ST8SIA2: variants seen among roughly 807,000 people sequenced by gnomAD.
ST8SIA2 encodes ST8 alpha-N-acetyl-neuraminide alpha-2,8-sialyltransferase 2.
Under a neutral mutation model 37.6 loss-of-function variants are expected in ST8SIA2, and 22 were observed. That is an observed-to-expected ratio of 0.58 (90% CI 0.42 to 0.83). ST8SIA2 has a LOEUF of 0.83. ST8SIA2 is among the 40% of genes least tolerant of loss of function. The pLI, the probability that ST8SIA2 is intolerant of heterozygous loss-of-function variation, is 0.00. For synonymous variants in ST8SIA2, 205 were observed against 201.2 expected, an observed-to-expected ratio of 1.02 and a Z score of -0.16; for missense variants, 382 against 484.7, an observed-to-expected ratio of 0.79 and a Z score of 1.99.
chr15:92,437,447 C>T (rs1017273129), intron 3 of ST8SIA2, among the ~76,000 whole-genome samples: 2 of 152,096 alleles, frequency 1.3e-5, no homozygotes, highest in African/African-American at 2.4e-5. Context: ...CTAGATGATT[C>T]GATTCGAGAA....
chr15:92,396,608 T>C (rs1260843757), intron 1 of ST8SIA2, among the ~76,000 whole-genome samples: 1 of 151,968 alleles, frequency 6.6e-6, no homozygotes, highest in Non-Finnish European at 1.5e-5. Context: ...ATTCTCCTGT[T>C]TCAGCCTCCC....
At chr15:92,401,961 T>C (rs922556908) in intron 1 of ST8SIA2, among the ~76,000 whole-genome samples, 4 of 152,002 alleles carry the variant, frequency 2.6e-5, no homozygotes, top group African/African-American at 9.7e-5. Context: ...AGTTTCAAGT[T>C]GCCAGCTGCC....
intron 5 of ST8SIA2, among the ~76,000 whole-genome samples, chr15:92,447,963 C>A (rs894064666): frequency 1.3e-4 from 20 of 152,036 alleles, no homozygotes; most frequent in African/African-American, 4.3e-4. Flanking sequence ...TTCTGGAGTC[C>A]TTGGGGATAA....
rs2049740913 is a variant in ST8SIA2, at chr15:92,434,495, G to A, written c.290+120G>A. 2.8e-6 allele frequency: 4 copies of A among 1,451,002 alleles called. No individual in the cohort carries two copies. In the South Asian group the frequency reaches 3.5e-5, roughly 13 times the overall value. 89.9% of individuals were successfully genotyped at this position (1,451,002 alleles called of 1,614,324 possible). ...AAATAAAATGTTTACCTCCCACTGAGGCAGGTTTCATCTGTAAGTGATCAA... is the reference window on the plus strand; with the variant it reads ...AAATAAAATGTTTACCTCCCACTGAAGCAGGTTTCATCTGTAAGTGATCAA... On this transcript the variant is annotated intron_variant, in intron 3 of 5. Coordinates refer to ENST00000268164, the MANE Select transcript of ST8SIA2 (RefSeq NM_006011.4).
At chr15:92,423,571 GT>G (rs752320241) in intron 1 of ST8SIA2, among the ~76,000 whole-genome samples, 5 of 152,268 alleles carry the variant, frequency 3.3e-5, no homozygotes, top group Admixed American at 2.0e-4. Flanking sequence ...GCAGGGCCCA[GT>G]CTCTTTGCTT....
At chr15:92,400,108 C>T (rs1255684005) in intron 1 of ST8SIA2, among the ~76,000 whole-genome samples, 1 of 152,204 alleles carries the variant, frequency 6.6e-6, no homozygotes, top group African/African-American at 2.4e-5. Context: ...CACCATCCTT[C>T]CTGCTGTTGC....
chr15:92,453,512 C>G (rs1231372181), intron 5 of ST8SIA2, among the ~76,000 whole-genome samples: 1 of 152,192 alleles, frequency 6.6e-6, no homozygotes, highest in African/African-American at 2.4e-5. Flanking sequence ...ATGAACAGCA[C>G]CAACCATCAG....
intron 1 of ST8SIA2, among the ~76,000 whole-genome samples, chr15:92,424,531 C>T (rs997943173): frequency 7.2e-5 from 11 of 151,832 alleles, no homozygotes; most frequent in African/African-American, 2.4e-4. Flanking sequence ...TTTAACATAC[C>T]ATTTTTATTT....
chr15:92,457,539 G>A lies in ST8SIA2; in HGVS notation c.843-6561G>A, dbSNP rs541455774. On this transcript the variant is annotated intron_variant, in intron 5 of 5. Transcript: ENST00000268164. ...ATTAAAGGTGCACTGTCAATACAACGTCCCGGATGCACCCAGCTAACCTCA... is the reference window on the plus strand; with the variant it reads ...ATTAAAGGTGCACTGTCAATACAACATCCCGGATGCACCCAGCTAACCTCA... Among the ~76,000 whole-genome samples, 22 of 152,222 alleles carry A rather than the reference G, an allele frequency of 1.4e-4. No individual in the cohort carries two copies. In the East Asian group the frequency reaches 3.7e-3, roughly 25 times the overall value.
chr15:92,414,829 G>A (rs980507982), intron 1 of ST8SIA2, among the ~76,000 whole-genome samples: 1 of 152,208 alleles, frequency 6.6e-6, no homozygotes, highest in African/African-American at 2.4e-5. Context: ...AAGCTATCGT[G>A]GCATTAGTTG....
rs554622619 is a variant in ST8SIA2, at chr15:92,438,303, G to A, written c.291-50G>A. ...GGATAGGAAAAGCTGGGCTGGCAAAGGGCAGCTGGCACCCTGGAGAATTTC... is the reference window on the plus strand; with the variant it reads ...GGATAGGAAAAGCTGGGCTGGCAAAAGGCAGCTGGCACCCTGGAGAATTTC... On this transcript the variant is annotated intron_variant, in intron 3 of 5. Coordinates refer to ENST00000268164, the MANE Select transcript of ST8SIA2 (RefSeq NM_006011.4). 223 of 1,614,120 alleles carry A rather than the reference G, an allele frequency of 1.4e-4. 2 individuals are homozygous for A. The South Asian group carries it at 2.3e-3, about 16-fold the overall frequency.
At chr15:92,407,009 G>GAAAA (rs1396143223) in intron 1 of ST8SIA2, among the ~76,000 whole-genome samples, 1 of 105,390 alleles carries the variant, frequency 9.5e-6, no homozygotes, top group Non-Finnish European at 2.2e-5. Flanking sequence ...AAAAAAAAAA[G>GAAAA]AAAAGAAAAA....
rs1383088820 is a variant in ST8SIA2, at chr15:92,394,056, G to A, written c.-9G>A. ...GGCCCGCGTGGGTCCCGGCGGGCGC[G>A]AACCCACCATGCAGCTGCAGTTCCG... On this transcript the variant is annotated 5_prime_UTR_variant, in exon 1 of 6. Coordinates refer to ENST00000268164, the MANE Select transcript of ST8SIA2 (RefSeq NM_006011.4). 6.5e-7 allele frequency: 1 copy of A among 1,547,776 alleles called. No individual in the cohort carries two copies. Among genetic ancestry groups the A allele is most frequent in the Non-Finnish European group, 8.7e-7 (1 of 1,145,546 alleles).
chr15:92,450,081 C>T (rs1332093523), intron 5 of ST8SIA2, among the ~76,000 whole-genome samples: 3 of 151,856 alleles, frequency 2.0e-5, no homozygotes, highest in Non-Finnish European at 4.4e-5. Context: ...AAAGCACAGG[C>T]AATGAAAGAA....
rs766202880 is a variant in ST8SIA2, at chr15:92,464,281, C to A, written c.1024C>A (p.Gln342Lys). ...YDSLKYGYTS[Q>K]ASPHTMPLEF... ...CAGCCTCAAGTATGGCTACACCTCCCAGGCCAGCCCGCATACCATGCCCTT... is the reference window on the plus strand; with the variant it reads ...CAGCCTCAAGTATGGCTACACCTCCAAGGCCAGCCCGCATACCATGCCCTT... The change falls in exon 6 of 6, where the codon CAG (glutamine) becomes AAG (lysine). Residue 342 changes from glutamine (Q) to lysine (K), a missense_variant. By Grantham distance (53) the Gln-to-Lys change is moderately conservative. Coordinates refer to ENST00000268164, the MANE Select transcript of ST8SIA2 (RefSeq NM_006011.4). 4 of 1,614,042 alleles carry A rather than the reference C, an allele frequency of 2.5e-6. No individual in the cohort carries two copies. In the Admixed American group the frequency reaches 6.7e-5, roughly 27 times the overall value.
chr15:92,439,961 G>A (rs906315772), intron 4 of ST8SIA2, among the ~76,000 whole-genome samples: 2 of 152,056 alleles, frequency 1.3e-5, no homozygotes, highest in African/African-American at 2.4e-5. Context: ...CGGGGGGGTG[G>A]CTGTCTGACC....
At chr15:92,416,011 G>C (rs2049583461) in intron 1 of ST8SIA2, among the ~76,000 whole-genome samples, 1 of 152,154 alleles carries the variant, frequency 6.6e-6, no homozygotes, top group Non-Finnish European at 1.5e-5. Flanking sequence ...AGCTGCAGGG[G>C]TCGGTAAGAG....
intron 5 of ST8SIA2, among the ~76,000 whole-genome samples, chr15:92,452,712 G>C (rs571581798): frequency 2.0e-5 from 3 of 152,214 alleles, no homozygotes; most frequent in African/African-American, 7.2e-5. Flanking sequence ...ACATCTGGAC[G>C]TAAGTCAGCT....
At chr15:92,443,661 C>T (rs1458964136) in intron 4 of ST8SIA2, among the ~76,000 whole-genome samples, 1 of 152,076 alleles carries the variant, frequency 6.6e-6, no homozygotes, top group African/African-American at 2.4e-5. Flanking sequence ...CTCCCCAAGC[C>T]CATCTCCTCC....
Sources: gnomAD v4.1 joint callset for allele counts (sites outside exome capture counted in the v4.1 genomes callset) on GRCh38, gnomAD v4.1.1 for gene constraint, MANE v1.5 for transcripts, NCBI Gene and HGNC (gene_info 2026-07-23, HGNC 2026-07-21) for gene names.